Variants in CSNK2A2IP observed in about 807,000 individuals in gnomAD.
CSNK2A2IP encodes casein kinase 2 subunit alpha' interacting protein, also known as casein kinase II subunit alpha'-interacting protein.
At chr3:88,410,706 T>C in the CSNK2A2IP span, among the ~76,000 whole-genome samples, 1 of 152,034 alleles carries the variant, frequency 6.6e-6, no homozygotes, top group Non-Finnish European at 1.5e-5. Flanking sequence ...ATTTAACGAT[T>C]GTTAAATGGT....
the CSNK2A2IP span, among the ~76,000 whole-genome samples, chr3:88,425,271 G>A: frequency 3.7e-4 from 57 of 152,002 alleles, no homozygotes; most frequent in African/African-American, 1.3e-3. Flanking sequence ...ATAAATTGTA[G>A]TTAGCTCTCT....
chr3:88,442,725 G>A, the CSNK2A2IP span, among the ~76,000 whole-genome samples: 1 of 151,900 alleles, frequency 6.6e-6, no homozygotes, highest in East Asian at 1.9e-4. Context: ...GAAAACAACA[G>A]AGTTGAGCTT....
the CSNK2A2IP span, among the ~76,000 whole-genome samples, chr3:88,450,832 T>C: frequency 0.096 from 14,578 of 152,216 alleles, 1,188 homozygotes; most frequent in Admixed American, 0.28. Flanking sequence ...GGTATCTTTA[T>C]GAGATAGTGA....
chr3:88,446,046 C>CT, the CSNK2A2IP span, among the ~76,000 whole-genome samples: 126 of 62,236 alleles, frequency 2.0e-3, 6 homozygotes, highest in Non-Finnish European at 3.2e-3. Context: ...TTCTTTCTTT[C>CT]TTTCTTTCTT....
the CSNK2A2IP span, chr3:88,467,179 T>C: frequency 2.5e-6 from 1 of 401,066 alleles, no homozygotes; most frequent in Non-Finnish European, 4.4e-6. Flanking sequence ...TCAGCCACAA[T>C]CCCTGCTCCC....
chr3:88,349,694 C>T, the CSNK2A2IP span, among the ~76,000 whole-genome samples: 2 of 152,058 alleles, frequency 1.3e-5, no homozygotes, highest in African/African-American at 2.4e-5. Context: ...TACTCTTACT[C>T]TTTAATGAGT....
the CSNK2A2IP span, among the ~76,000 whole-genome samples, chr3:88,438,537 T>G: frequency 1.3e-5 from 2 of 152,168 alleles, no homozygotes; most frequent in South Asian, 2.1e-4. Context: ...TGTGTGAAAG[T>G]AGATCATAAG....
chr3:88,427,207 T>C, the CSNK2A2IP span, among the ~76,000 whole-genome samples: 1 of 152,150 alleles, frequency 6.6e-6, no homozygotes, highest in Non-Finnish European at 1.5e-5. Flanking sequence ...GTGACTCTTG[T>C]TATGCTTTAG....
the CSNK2A2IP span, among the ~76,000 whole-genome samples, chr3:88,421,359 C>T: frequency 6.6e-6 from 1 of 152,100 alleles, no homozygotes; most frequent in Non-Finnish European, 1.5e-5. Flanking sequence ...TATGCAGCAA[C>T]CATTATCTTG....
At chr3:88,457,574 G>A in the CSNK2A2IP span, among the ~76,000 whole-genome samples, 438 of 152,034 alleles carry the variant, frequency 2.9e-3, 2 homozygotes, top group African/African-American at 9.9e-3. Flanking sequence ...GCAGTCTCCT[G>A]TGATCCCAGC....
chr3:88,357,043 T>C, the CSNK2A2IP span, among the ~76,000 whole-genome samples: 23 of 152,178 alleles, frequency 1.5e-4, no homozygotes, highest in Non-Finnish European at 2.8e-4. Flanking sequence ...TGCAAATATT[T>C]TCTCCTGTTT....
At chr3:88,389,150 T>A in the CSNK2A2IP span, among the ~76,000 whole-genome samples, 34 of 151,532 alleles carry the variant, frequency 2.2e-4, no homozygotes, top group Non-Finnish European at 4.1e-4. Flanking sequence ...GAGCACCAAA[T>A]AGGAAAATTA....
the CSNK2A2IP span, among the ~76,000 whole-genome samples, chr3:88,349,123 T>C: frequency 6.6e-6 from 1 of 152,078 alleles, no homozygotes; most frequent in Non-Finnish European, 1.5e-5. Flanking sequence ...ATAAAAATAA[T>C]AATTTTATTT....
the CSNK2A2IP span, among the ~76,000 whole-genome samples, chr3:88,367,474 A>C: frequency 6.6e-6 from 1 of 152,116 alleles, no homozygotes; most frequent in African/African-American, 2.4e-5. Context: ...ATTGTCCTAC[A>C]ATATTTGTAA....
chr3:88,410,715 G>A, the CSNK2A2IP span, among the ~76,000 whole-genome samples: 1 of 151,784 alleles, frequency 6.6e-6, no homozygotes, highest in Non-Finnish European at 1.5e-5. Flanking sequence ...TTGTTAAATG[G>A]TGCCATTTGA....
the CSNK2A2IP span, among the ~76,000 whole-genome samples, chr3:88,362,747 T>A: frequency 6.6e-6 from 1 of 152,110 alleles, no homozygotes; most frequent in Non-Finnish European, 1.5e-5. Context: ...GATCTAGAAA[T>A]GATGTTCAGG....
the CSNK2A2IP span, among the ~76,000 whole-genome samples, chr3:88,451,880 C>A: frequency 2.6e-4 from 39 of 151,902 alleles, no homozygotes; most frequent in African/African-American, 8.9e-4. Flanking sequence ...ACTGCAAATG[C>A]CTTAATAATC....
At chr3:88,411,999 C>T in the CSNK2A2IP span, among the ~76,000 whole-genome samples, 9 of 151,594 alleles carry the variant, frequency 5.9e-5, no homozygotes, top group African/African-American at 2.2e-4. Flanking sequence ...TTCTATTTGA[C>T]AACACTGTTA....
the CSNK2A2IP span, among the ~76,000 whole-genome samples, chr3:88,426,479 T>C: frequency 6.6e-6 from 1 of 152,216 alleles, no homozygotes; most frequent in Admixed American, 6.5e-5. Flanking sequence ...ATGCTAATAA[T>C]GCACTAGCCC....
Sources: allele counts gnomAD v4.1 joint callset (sites outside exome capture counted in the v4.1 genomes callset), GRCh38; gene constraint gnomAD v4.1.1; transcripts MANE v1.5; gene names NCBI Gene and HGNC (gene_info 2026-07-23, HGNC 2026-07-21).